The following CD163L1 variants were observed in gnomAD, a reference collection of about 807,000 sequenced individuals.
The protein encoded by CD163L1 is scavenger receptor cysteine-rich type 1 protein M160.
Under a neutral mutation model 165.4 loss-of-function variants are expected in CD163L1, and 124 were observed. The observed-to-expected ratio is 0.75, with a 90% confidence interval of 0.65 to 0.87. The LOEUF is 0.87. CD163L1 is among the 40% of genes least tolerant of loss of function. The pLI, the probability that CD163L1 is intolerant of heterozygous loss-of-function variation, is 0.00. For synonymous variants in CD163L1, 585 were observed against 662.2 expected (o/e 0.88, Z 1.79); for missense variants, 1,525 against 1,799.9 (o/e 0.85, Z 2.76).
At chr12:7,388,658 T>A (rs752398341) in intron 8 of CD163L1, among the ~76,000 whole-genome samples, 1 of 150,556 alleles carries the variant, frequency 6.6e-6, no homozygotes, top group African/African-American at 2.4e-5. Context: ...GTGGGAGGAT[T>A]GCTTGAGCCC....
chr12:7,369,155 C>T lies in CD163L1; in HGVS notation c.4040-190G>A, dbSNP rs956707828. The stretch of plus-strand genomic sequence containing the variant: ...GTCTAAGGCCAAATCCACCTTTCTT[C>T]CCTCAAAATTATGGGGGCTATTTTA... On this transcript the variant is annotated intron_variant, in intron 15 of 19. Transcript: ENST00000313599. This position sits in a 1 kb window ranked among gnomAD's most constrained non-coding sequence, Gnocchi z 4.9. Among the ~76,000 whole-genome samples the T allele has an allele frequency of 6.6e-6, 1 of 152,190 alleles. No individual in the cohort carries two copies. The highest frequency in any genetic ancestry group is 1.5e-5 in the Non-Finnish European group (1 of 68,030).
At chr12:7,329,995 C>G in the CD163L1 span, among the ~76,000 whole-genome samples, 2 of 152,154 alleles carry the variant, frequency 1.3e-5, no homozygotes, top group Non-Finnish European at 2.9e-5. Context: ...GTCCTTTGGT[C>G]TTATACTATC....
chr12:7,330,919 G>T, the CD163L1 span, among the ~76,000 whole-genome samples: 182 of 152,294 alleles, frequency 1.2e-3, no homozygotes, highest in Non-Finnish European at 2.0e-3. Flanking sequence ...ATCTCACTAG[G>T]GAGTGCTGGA....
At chr12:7,336,212 T>C in the CD163L1 span, among the ~76,000 whole-genome samples, 290 of 144,318 alleles carry the variant, frequency 2.0e-3, 2 homozygotes, top group African/African-American at 7.2e-3. Context: ...TGCACACGTA[T>C]GTTTATTGCG....
rs956498582 is a variant in CD163L1, at chr12:7,438,993, G to GGCCC, written c.124+2160_124+2161insGGGC. The GGCCC allele has an allele frequency of 1.7e-4, 272 of 1,604,410 alleles. No homozygotes were observed. In the Admixed American group the frequency reaches 4.7e-3, roughly 28 times the overall value. On this transcript the variant is annotated intron_variant, in intron 2 of 19. Transcript: ENST00000313599. The stretch of plus-strand genomic sequence containing the variant: ...TCTCTAGTGTCCTCAACCTTTCTCG[G>GGCCC]GGTCTTCTTTTTCCTCCTGCCTCTG...
At chr12:7,340,521 T>C in the CD163L1 span, among the ~76,000 whole-genome samples, 34 of 152,332 alleles carry the variant, frequency 2.2e-4, no homozygotes, top group South Asian at 6.8e-3. Flanking sequence ...ATGAAGTCAC[T>C]GTAACTCCCA....
At chr12:7,348,238 C>A (rs777648963) in intron 4 of CD163L1, among the ~76,000 whole-genome samples, 12 of 152,232 alleles carry the variant, frequency 7.9e-5, no homozygotes, top group African/African-American at 2.9e-4. Context: ...GGGGAAAGAG[C>A]ATGGATTGTT....
Position 7,437,238 on chromosome 12 carries a change from T to TTTTAAATAGTATTTAAATAGTA in CD163L1, c.125-3566_125-3545dup. Among the ~76,000 whole-genome samples the TTTTAAATAGTATTTAAATAGTA allele has an allele frequency of 3.1e-4, 26 of 84,264 alleles. 1 individual carries two copies. The highest frequency in any genetic ancestry group is 7.2e-4 in the East Asian group (2 of 2,796). 55.3% of individuals were successfully genotyped at this position (84,264 alleles called of 152,430 possible). The stretch of plus-strand genomic sequence containing the variant: ...TTTAATAGTATTTAAAAGTATTTAC[T>TTTTAAATAGTATTTAAATAGTA]TTTAAATAGTATTTAAATAGTATTT... On this transcript the variant is annotated intron_variant, in intron 2 of 19. Transcript: ENST00000313599.
chr12:7,326,212 T>G, the CD163L1 span, among the ~76,000 whole-genome samples: 2 of 152,210 alleles, frequency 1.3e-5, no homozygotes. Context: ...GGCTTTGTTT[T>G]GTTTTTTTGA....
Position 7,421,413 on chromosome 12 carries a change from G to A in CD163L1, c.766+11003C>T, listed in dbSNP as rs866763154. ...ATATATGTATATATATCTTCCAAAT[G>A]TATATATACATATATGTACATATAT... is the stretch of plus-strand genomic sequence containing the variant. On this transcript the variant is annotated intron_variant, in intron 4 of 19. Coordinates refer to ENST00000313599, the MANE Select transcript of CD163L1 (RefSeq NM_174941.6). Among the ~76,000 whole-genome samples the A allele has an allele frequency of 2.0e-4, 13 of 64,598 alleles. No homozygotes were observed. The East Asian group carries it at 2.0e-3, about 10-fold the overall frequency. 42.4% of individuals were successfully genotyped at this position (64,598 alleles called of 152,430 possible).
At chr12:7,328,040 AG>A in the CD163L1 span, among the ~76,000 whole-genome samples, 1 of 152,194 alleles carries the variant, frequency 6.6e-6, no homozygotes, top group Non-Finnish European at 1.5e-5. Context: ...AATGGGGTAA[AG>A]GGATTATTAC....
chr12:7,324,917 G>A, the CD163L1 span, among the ~76,000 whole-genome samples: 3 of 151,776 alleles, frequency 2.0e-5, no homozygotes, highest in African/African-American at 7.3e-5. Context: ...AGGTTGGCAA[G>A]ATTTAGCCCC....
intron 4 of CD163L1, among the ~76,000 whole-genome samples, chr12:7,417,843 T>A (rs1219781213): frequency 6.6e-6 from 1 of 152,074 alleles, no homozygotes; most frequent in African/African-American, 2.4e-5. Flanking sequence ...TTCACATCGA[T>A]GTTCATCAGG....
At chr12:7,380,372 T>TGTATGTGTGTATACGTGTATACAC (rs1565784301) in intron 8 of CD163L1, among the ~76,000 whole-genome samples, 1 of 145,238 alleles carries the variant, frequency 6.9e-6, no homozygotes, top group Non-Finnish European at 1.5e-5. Flanking sequence ...CGCGTATACA[T>TGTATGTGTGTATACGTGTATACAC]ACATGTATGT....
Position 7,403,632 on chromosome 12 carries a change from A to C in CD163L1, c.1311T>G (p.Ser437=), listed in dbSNP as rs1277901741. The change falls in exon 6 of 20, where the codon TCT becomes TCG. Residue 437 remains serine (S), a synonymous_variant. Coordinates refer to ENST00000313599, the MANE Select transcript of CD163L1 (RefSeq NM_174941.6). ...AGAGAGCTGACTCATTCCCAGTGCA[A>C]GATATGCTGTTTATCCAAATGTCTC... ...EARDIWINSI[S]CTGNESALWD... 1 of 1,613,920 alleles carries C rather than the reference A, an allele frequency of 6.2e-7. No homozygotes were observed. The highest frequency in any genetic ancestry group is 8.5e-7 in the Non-Finnish European group (1 of 1,179,984).
intron 8 of CD163L1, among the ~76,000 whole-genome samples, chr12:7,380,061 G>A (rs371343193): frequency 4.6e-5 from 7 of 151,992 alleles, no homozygotes; most frequent in African/African-American, 1.4e-4. Context: ...TAGTACAACC[G>A]CTATGAAAAA....
At chr12:7,352,948 A>C (rs1338338629), downstream of CD163L1, among the ~76,000 whole-genome samples, 2 of 152,150 alleles carry the variant, frequency 1.3e-5, no homozygotes, top group African/African-American at 4.8e-5. Context: ...TACATACCAA[A>C]AAAAACCAAA....
intron 4 of CD163L1, among the ~76,000 whole-genome samples, chr12:7,427,165 A>G (rs1444244084): frequency 6.7e-6 from 1 of 149,462 alleles, no homozygotes; most frequent in East Asian, 2.0e-4. Context: ...CAATAAGGAA[A>G]TAGCGGACTT....
chr12:7,440,068 T>A, intron 2 of CD163L1: 1 of 1,094,174 alleles, frequency 9.1e-7, no homozygotes. Flanking sequence ...CGCTCCGCCC[T>A]ACTCCACATC....
Sources: gnomAD v4.1 joint callset for allele counts (sites outside exome capture counted in the v4.1 genomes callset) on GRCh38, gnomAD v4.1.1 for gene constraint, Gnocchi (gnomAD v3.1) non-coding constraint, MANE v1.5 for transcripts, NCBI Gene and HGNC (gene_info 2026-07-23, HGNC 2026-07-21) for gene names.